Variants in ZNF599 observed in about 807,000 individuals in gnomAD.
ZNF599 encodes the protein zinc finger protein 599.
In ZNF599, 10 loss-of-function variants were observed where a neutral mutation model predicts 11.7. The ratio of observed to expected loss-of-function variants is 0.86; its 90% confidence interval spans 0.53 to 1.45. ZNF599 has a LOEUF of 1.45. Among genes scored for constraint, ZNF599 ranks in the 40% most tolerant of loss-of-function variants. The probability of loss-of-function intolerance (pLI) is 0.00; values close to 1 mark genes in which losing one functional copy is unlikely to be tolerated. For missense variants in ZNF599, 688 were observed against 713.6 expected, an observed-to-expected ratio of 0.96 and a Z score of 0.41; for synonymous variants, 232 against 253.2, an observed-to-expected ratio of 0.92 and a Z score of 0.79.
upstream of ZNF599, among the ~76,000 whole-genome samples, chr19:34,777,631 T>C (rs1209459505): frequency 2.1e-5 from 3 of 141,408 alleles, no homozygotes; most frequent in Non-Finnish European, 4.5e-5. Context: ...AAATGAAATA[T>C]TATTCAGCCT....
At position 34,759,402 on chromosome 19, in the gene ZNF599, T is replaced by C; in HGVS notation, c.1399A>G (p.Ile467Val). Residue 467 changes from isoleucine (I) to valine (V), a missense_variant, in exon 4 of 4, where the codon ATT becomes GTT. Coordinates refer to ENST00000329285, the MANE Select transcript of ZNF599 (RefSeq NM_001007248.3). The stretch of plus-strand genomic sequence containing the variant: ...CCACTGTGGGTCCTATTATGTCGAA[T>C]AAAAACAGAGTGGTGTGTAAAAGCC... ...GKAFTHHSVF[I>V]RHNRTHSGQK... 6.2e-7 allele frequency: 1 copy of C among 1,614,152 alleles called. No individual in the cohort carries two copies. Among genetic ancestry groups the C allele is most frequent in the Non-Finnish European group, 8.5e-7 (1 of 1,180,020 alleles).
At chr19:34,779,585 C>T in the ZNF599 span, 111 of 415,766 alleles carry the variant, frequency 2.7e-4, no homozygotes, top group Admixed American at 2.9e-3. Flanking sequence ...AACCACTGCT[C>T]CAGATGGAAA....
the ZNF599 span, among the ~76,000 whole-genome samples, chr19:34,784,801 A>T: frequency 6.6e-6 from 1 of 151,284 alleles, no homozygotes; most frequent in Non-Finnish European, 1.5e-5. Context: ...TCTTCCCCAT[A>T]TGCAATCCTC....
At chr19:34,805,197 CTTTTTT>C in the ZNF599 span, among the ~76,000 whole-genome samples, 1 of 125,904 alleles carries the variant, frequency 7.9e-6, no homozygotes, top group African/African-American at 3.0e-5. Context: ...TAAGTGCTAC[CTTTTTT>C]TTTTTTTTTT....
At chr19:34,782,735 A>T in the ZNF599 span, among the ~76,000 whole-genome samples, 1 of 152,140 alleles carries the variant, frequency 6.6e-6, no homozygotes, top group Non-Finnish European at 1.5e-5. Flanking sequence ...AGATGTGAAG[A>T]CCTTACTCAG....
Position 34,773,119 on chromosome 19 carries a change from T to C in ZNF599, c.-278A>G. 2.4e-6 allele frequency: 1 copy of C among 420,378 alleles called. No homozygotes were observed. Among genetic ancestry groups the C allele is most frequent in the Non-Finnish European group, 4.2e-6 (1 of 237,702 alleles). The allele number at this position is 420,378 out of a possible 1,614,324, so 26.0% of individuals were successfully genotyped here. On this transcript the variant is annotated 5_prime_UTR_variant, in exon 1 of 4. Coordinates refer to ENST00000329285, the MANE Select transcript of ZNF599 (RefSeq NM_001007248.3). Reference sequence around the variant, plus strand: ...TATCCTCCTCACTGTCCGTCTCTACTCGGTCTCGAAAAGTGGCCCCTGTCT... The same window carrying C: ...TATCCTCCTCACTGTCCGTCTCTACCCGGTCTCGAAAAGTGGCCCCTGTCT...
the ZNF599 span, among the ~76,000 whole-genome samples, chr19:34,806,802 T>C: frequency 1.3e-5 from 2 of 152,124 alleles, no homozygotes; most frequent in Non-Finnish European, 2.9e-5. Flanking sequence ...AGCCAATCAC[T>C]GTCCAGCCCA....
Position 34,759,536 on chromosome 19 carries a change from G to C in ZNF599, c.1265C>G (p.Pro422Arg). ...CTTCCCACATTCTTTGCACTCAAAG[G>C]GCTTCTCTCCGGTATGGGTCCTCTT... ...RHKRTHTGEK[P>R]FECKECGKAF... The change falls in exon 4 of 4, where the codon CCC becomes CGC. Residue 422 changes from proline to arginine, a missense_variant. Physicochemically the swap from Pro to Arg is moderately radical, Grantham distance 103 (BLOSUM62 -2). Coordinates refer to ENST00000329285, the MANE Select transcript of ZNF599 (RefSeq NM_001007248.3). 6.2e-7 allele frequency: 1 copy of C among 1,613,946 alleles called. No homozygotes were observed. The highest frequency in any genetic ancestry group is 1.1e-5 in the South Asian group (1 of 91,074).
intron 1 of ZNF599, chr19:34,772,212 C>T (rs960840810): frequency 1.9e-5 from 10 of 524,020 alleles, no homozygotes; most frequent in Non-Finnish European, 2.0e-5. Context: ...AACAGAAGCA[C>T]GGATTCACTG....
At chr19:34,763,689 G>A (rs1193812418) in intron 3 of ZNF599, 1 of 152,174 alleles carries the variant, frequency 6.6e-6, no homozygotes, top group Non-Finnish European at 1.5e-5. Context: ...ACAGCAGCCA[G>A]AGCAGACTAA....
the ZNF599 span, among the ~76,000 whole-genome samples, chr19:34,785,587 T>A: frequency 1.3e-5 from 2 of 152,164 alleles, no homozygotes; most frequent in Non-Finnish European, 2.9e-5. Flanking sequence ...GGAAATATTA[T>A]CCTTTGTATC....
At chr19:34,767,235 C>T in intron 3 of ZNF599, 81 bp downstream of exon 3, 4 of 1,101,936 alleles carry the variant, frequency 3.6e-6, no homozygotes, top group East Asian at 2.4e-5. Flanking sequence ...AAAATAGCTG[C>T]CCATGGCATT....
chr19:34,791,396 C>T, the ZNF599 span, among the ~76,000 whole-genome samples: 20 of 152,178 alleles, frequency 1.3e-4, no homozygotes, highest in Non-Finnish European at 2.5e-4. Context: ...GTGCAGAGCT[C>T]CTTGCTAACC....
the ZNF599 span, among the ~76,000 whole-genome samples, chr19:34,792,378 G>C: frequency 1.3e-5 from 2 of 152,176 alleles, no homozygotes; most frequent in Non-Finnish European, 2.9e-5. Context: ...AAGTTCTCCA[G>C]GTGCTCAGGG....
the ZNF599 span, among the ~76,000 whole-genome samples, chr19:34,789,092 C>T: frequency 6.6e-6 from 1 of 152,186 alleles, no homozygotes; most frequent in Non-Finnish European, 1.5e-5. Context: ...TTCCACAAAG[C>T]TCCCATCCCC....
chr19:34,777,781 A>G (rs1330222447), upstream of ZNF599, among the ~76,000 whole-genome samples: 1 of 151,518 alleles, frequency 6.6e-6, no homozygotes, highest in Non-Finnish European at 1.5e-5. Context: ...AGTCAAACTC[A>G]TAGAGGCAGA....
At chr19:34,781,527 G>A in the ZNF599 span, among the ~76,000 whole-genome samples, 1 of 152,182 alleles carries the variant, frequency 6.6e-6, no homozygotes, top group Non-Finnish European at 1.5e-5. Context: ...ATGAGCCTGC[G>A]GAATTGTTCG....
rs1027650529 is a variant in ZNF599, at chr19:34,759,461, C to A, written c.1340G>T (p.Gly447Val). 1.2e-6 allele frequency: 2 copies of A among 1,614,018 alleles called. No homozygotes were observed. Among genetic ancestry groups the A allele is most frequent in the Non-Finnish European group, 1.7e-6 (2 of 1,179,996 alleles). The change falls in exon 4 of 4, where the codon GGT (glycine) becomes GTT (valine). Residue 447 changes from glycine (G) to valine (V), a missense_variant. Coordinates refer to ENST00000329285, the MANE Select transcript of ZNF599 (RefSeq NM_001007248.3). ...SLIQHMRIHT[G>V]EKPYECSECG... ...TTCACTGCACTCATAAGGCTTCTCA[C>A]CAGTGTGAATCCTCATATGTTGAAT...
chr19:34,793,935 G>A, the ZNF599 span, among the ~76,000 whole-genome samples: 5 of 152,150 alleles, frequency 3.3e-5, no homozygotes, highest in African/African-American at 4.8e-5. Flanking sequence ...CAGTTTTCAC[G>A]CTGCAGATAA....
Sources: gnomAD v4.1 joint callset for allele counts (sites outside exome capture counted in the v4.1 genomes callset) on GRCh38, gnomAD v4.1.1 for gene constraint, MANE v1.5 for transcripts, NCBI Gene and HGNC (gene_info 2026-07-23, HGNC 2026-07-21) for gene names.